The following CCDC85A variants were observed in gnomAD, a reference collection of about 807,000 sequenced individuals.
The protein encoded by CCDC85A is coiled-coil domain-containing protein 85A.
A neutral mutation model predicts 50.2 loss-of-function variants in CCDC85A; 38 were observed. That is an observed-to-expected ratio of 0.76 (90% CI 0.58 to 0.99). CCDC85A has a LOEUF of 0.99. Among genes scored for constraint, CCDC85A ranks in the 50% least tolerant of loss-of-function variants. CCDC85A has a pLI of 0.00. For synonymous variants in CCDC85A, 366 were observed against 301.4 expected, an observed-to-expected ratio of 1.21 and a Z score of -2.22; for missense variants, 820 against 742.0, an observed-to-expected ratio of 1.11 and a Z score of -1.22.
At chr2:56,379,008 A>G (rs1194922879) in intron 5 of CCDC85A, among the ~76,000 whole-genome samples, 1 of 152,200 alleles carries the variant, frequency 6.6e-6, no homozygotes, top group Non-Finnish European at 1.5e-5. Context: ...CCCACAATAA[A>G]ACTTTAGACA....
chr2:56,340,784 G>A (rs1372442225), intron 2 of CCDC85A, among the ~76,000 whole-genome samples: 3 of 149,910 alleles, frequency 2.0e-5, no homozygotes, highest in Non-Finnish European at 4.4e-5. Context: ...GCTGAGGCAG[G>A]AGAATCGCTT....
Position 56,266,588 on chromosome 2 carries a change from C to CCG in CCDC85A, c.1240+73149_1240+73150insGC, listed in dbSNP as rs1553402024. On this transcript the variant is annotated intron_variant, in intron 2 of 5. Coordinates refer to ENST00000407595, the MANE Select transcript of CCDC85A (RefSeq NM_001080433.2). ...AATTAACAATAACGCGCCCCCCCCC[C>CCG]CCATAATCTTCTTCCTCCAAAAAAG... 1.3e-4 allele frequency among the ~76,000 whole-genome samples: 18 copies of CCG among 134,602 alleles called. 1 individual carries two copies. Among genetic ancestry groups the CCG allele is most frequent in the Non-Finnish European group, 2.9e-4 (18 of 62,434 alleles). The allele number at this position is 134,602 out of a possible 152,430, so 88.3% of individuals were successfully genotyped here.
intron 3 of CCDC85A, among the ~76,000 whole-genome samples, chr2:56,357,497 G>T (rs1204356334): frequency 1.3e-5 from 2 of 152,012 alleles, no homozygotes; most frequent in Non-Finnish European, 2.9e-5. Flanking sequence ...TACTTTTATT[G>T]CCTTATTAAA....
intron 2 of CCDC85A, among the ~76,000 whole-genome samples, chr2:56,217,179 C>G (rs544585097): frequency 6.6e-6 from 1 of 151,840 alleles, no homozygotes; most frequent in Non-Finnish European, 1.5e-5. Flanking sequence ...TATTCTGTGA[C>G]TTTTTCTGTG....
Position 56,193,343 on chromosome 2 carries a change from T to TGGAGGCAGCGGC in CCDC85A, c.1153_1164dup (p.Gly385_Ser388dup). 2 of 1,611,884 alleles carry TGGAGGCAGCGGC rather than the reference T, an allele frequency of 1.2e-6. No individual in the cohort carries two copies. The highest frequency in any genetic ancestry group is 1.7e-6 in the Non-Finnish European group (2 of 1,178,956). ...AACACGGAGGAGGCAGTGGAGGAAGTGGAGGCAGCGGCGGAGGCAGCAGGG... is the reference window on the plus strand; with the variant it reads ...AACACGGAGGAGGCAGTGGAGGAAGTGGAGGCAGCGGCGGAGGCAGCGGCGGAGGCAGCAGGG... On this transcript the variant is annotated inframe_insertion, in exon 2 of 6. Transcript: ENST00000407595.
chr2:56,370,201 C>A (rs766479106), intron 3 of CCDC85A, among the ~76,000 whole-genome samples: 5 of 152,116 alleles, frequency 3.3e-5, no homozygotes, highest in Non-Finnish European at 5.9e-5. Context: ...TTTGAGCCCC[C>A]AAGTTGCCAG....
chr2:56,193,440 G>A lies in CCDC85A; in HGVS notation c.1240G>A (p.Glu414Lys). 3 of 1,598,000 alleles carry A rather than the reference G, an allele frequency of 1.9e-6. No individual in the cohort carries two copies. Among genetic ancestry groups the A allele is most frequent in the Non-Finnish European group, 1.7e-6 (2 of 1,172,508 alleles). Residue 414 changes from glutamate to lysine, a missense_variant and splice_region_variant, in exon 2 of 6, where the codon GAA (glutamate) becomes AAA (lysine). Transcript: ENST00000407595. ...HHRNVYSGMN[E>K]STLSYVRQLE... Reference sequence around the variant, plus strand: ...CCGGAATGTCTACAGTGGCATGAACGGTGGGTCAGTATGTGCTGGGGTGCT... The same window carrying A: ...CCGGAATGTCTACAGTGGCATGAACAGTGGGTCAGTATGTGCTGGGGTGCT...
intron 2 of CCDC85A, among the ~76,000 whole-genome samples, chr2:56,221,412 T>C (rs1668323353): frequency 6.6e-6 from 1 of 152,040 alleles, no homozygotes; most frequent in Non-Finnish European, 1.5e-5. Context: ...CCCATAGAAC[T>C]CATAATACTT....
chr2:56,283,035 T>C (rs1671275565), intron 2 of CCDC85A, among the ~76,000 whole-genome samples: 1 of 152,250 alleles, frequency 6.6e-6, no homozygotes, highest in South Asian at 2.1e-4. Flanking sequence ...AATTCTTTTA[T>C]TCTAGTAGAT....
intron 2 of CCDC85A, among the ~76,000 whole-genome samples, chr2:56,264,954 G>A (rs867508472): frequency 2.5e-4 from 38 of 152,306 alleles, no homozygotes; most frequent in Middle Eastern, 6.8e-3. Flanking sequence ...CTGGCAAAAT[G>A]TCACACTTTT....
chr2:56,310,837 C>T (rs1038069595), intron 2 of CCDC85A, among the ~76,000 whole-genome samples: 2 of 152,126 alleles, frequency 1.3e-5, no homozygotes, highest in African/African-American at 4.8e-5. Context: ...ATCTATTTTC[C>T]ACTTCAGTTT....
chr2:56,366,912 T>TA (rs1346067497), intron 3 of CCDC85A, among the ~76,000 whole-genome samples: 10 of 152,340 alleles, frequency 6.6e-5, no homozygotes, highest in East Asian at 3.9e-4. Flanking sequence ...TTTATCTTTT[T>TA]ATCTATTTAA....
rs75862913 is a variant in CCDC85A at position 56,334,890 on chromosome 2, G to C, written c.1241-7989G>C. Among the ~76,000 whole-genome samples the C allele has an allele frequency of 7.3e-3, 1,108 of 152,282 alleles. 11 individuals are homozygous for C. The highest frequency in any genetic ancestry group is 0.025 in the African/African-American group (1,043 of 41,562). On this transcript the variant is annotated intron_variant, in intron 2 of 5. Transcript: ENST00000407595. Reference sequence around the variant, plus strand: ...GGATTTCTGCATGGGAGGAGGGGAAGAGGAACTAACTGTCATCTCTTTTGG... The same window carrying C: ...GGATTTCTGCATGGGAGGAGGGGAACAGGAACTAACTGTCATCTCTTTTGG...
At chr2:56,305,921 C>G (rs1042737064) in intron 2 of CCDC85A, among the ~76,000 whole-genome samples, 11 of 152,144 alleles carry the variant, frequency 7.2e-5, no homozygotes, top group African/African-American at 2.7e-4. Context: ...AAGATTGACA[C>G]ATTTCTTTTT....
chr2:56,212,741 C>T (rs1402517760), intron 2 of CCDC85A, among the ~76,000 whole-genome samples: 1 of 151,930 alleles, frequency 6.6e-6, no homozygotes, highest in Non-Finnish European at 1.5e-5. Flanking sequence ...TCACAAAAAT[C>T]CTATCAGAAA....
At position 56,323,102 on chromosome 2, in the gene CCDC85A, C is replaced by G. The variant is rs529501572; in HGVS notation, c.1241-19777C>G. Among the ~76,000 whole-genome samples the G allele has an allele frequency of 6.6e-5, 10 of 152,150 alleles. No individual in the cohort carries two copies. In the South Asian group the frequency reaches 2.1e-3, roughly 32 times the overall value. ...AGGTGGGAATCGAACAATGAGAACA[C>G]ATGGACACAGGGTGGGGAACATCAC... is the stretch of plus-strand genomic sequence containing the variant. On this transcript the variant is annotated intron_variant, in intron 2 of 5. Transcript: ENST00000407595.
Position 56,259,013 on chromosome 2 carries a change from G to A in CCDC85A, c.1240+65573G>A, listed in dbSNP as rs540962212. Among the ~76,000 whole-genome samples, 124 of 152,248 alleles carry A rather than the reference G, an allele frequency of 8.1e-4. 1 individual carries two copies. Among genetic ancestry groups the A allele is most frequent in the African/African-American group, 2.9e-3 (120 of 41,534 alleles). On this transcript the variant is annotated intron_variant, in intron 2 of 5. Transcript: ENST00000407595. ...CCAACACTAAATGAATAAAATAATGGTTGGACCACCTTGAAGGCACAGGTG... is the reference window on the plus strand; with the variant it reads ...CCAACACTAAATGAATAAAATAATGATTGGACCACCTTGAAGGCACAGGTG...
At chr2:56,194,880 T>C (rs773315199) in intron 2 of CCDC85A, among the ~76,000 whole-genome samples, 1 of 140,822 alleles carries the variant, frequency 7.1e-6, no homozygotes, top group Non-Finnish European at 1.5e-5. Context: ...ACCCCATTGC[T>C]GTGGGCAGTC....
chr2:56,353,568 C>A (rs575982416), intron 3 of CCDC85A, among the ~76,000 whole-genome samples: 34 of 152,192 alleles, frequency 2.2e-4, no homozygotes, highest in African/African-American at 7.9e-4. Context: ...GCTATTTATT[C>A]AAGAACAGAT....
Sources: gnomAD v4.1 joint callset for allele counts (sites outside exome capture counted in the v4.1 genomes callset) on GRCh38, gnomAD v4.1.1 for gene constraint, MANE v1.5 for transcripts, NCBI Gene and HGNC (gene_info 2026-07-23, HGNC 2026-07-21) for gene names.